The following STAMBPL1 variants were observed in gnomAD, a reference collection of about 807,000 sequenced individuals.
STAMBPL1 encodes STAM binding protein like 1.
Under a neutral mutation model 52.9 loss-of-function variants are expected in STAMBPL1, and 44 were observed. The ratio of observed to expected loss-of-function variants is 0.83; its 90% CI spans 0.65 to 1.07. STAMBPL1 has a LOEUF of 1.07. Ranked by LOEUF, STAMBPL1 falls within the 50% of genes least tolerant of loss-of-function variation. The pLI is 0.00. For synonymous variants in STAMBPL1, 164 were observed against 177.3 expected, an observed-to-expected ratio of 0.92 and a Z score of 0.60; for missense variants, 511 against 520.8, an observed-to-expected ratio of 0.98 and a Z score of 0.18.
At chr10:88,918,884 G>A (rs897192088) in intron 8 of STAMBPL1, among the ~76,000 whole-genome samples, 1 of 152,078 alleles carries the variant, frequency 6.6e-6, no homozygotes, top group African/African-American at 2.4e-5. Context: ...CATAATGCAT[G>A]CAATTATGAA....
intron 2 of STAMBPL1, among the ~76,000 whole-genome samples, chr10:88,902,140 T>C (rs969319255): frequency 6.6e-6 from 1 of 152,186 alleles, no homozygotes; most frequent in Non-Finnish European, 1.5e-5. Context: ...TAGGTACTGC[T>C]TTGGATCCTC....
intron 1 of STAMBPL1, among the ~76,000 whole-genome samples, chr10:88,887,028 CT>C (rs939453516): frequency 5.3e-5 from 8 of 152,076 alleles, no homozygotes; most frequent in African/African-American, 1.2e-4. Flanking sequence ...TTGACTCTGG[CT>C]TTTTTTCCCC....
chr10:88,883,691 A>G (rs1371120031), intron 1 of STAMBPL1, among the ~76,000 whole-genome samples: 1 of 152,210 alleles, frequency 6.6e-6, no homozygotes, highest in Non-Finnish European at 1.5e-5. Flanking sequence ...TTTAAATTAA[A>G]TCTGTGTTAT....
intron 5 of STAMBPL1, chr10:88,912,448 GAGA>G (rs1243120904): frequency 6.6e-6 from 1 of 152,228 alleles, no homozygotes; most frequent in African/African-American, 2.4e-5. Flanking sequence ...AGTGGTGACA[GAGA>G]AGGTTGGAAC....
chr10:88,891,446 G>GA (rs999779074), intron 1 of STAMBPL1, among the ~76,000 whole-genome samples: 3 of 152,024 alleles, frequency 2.0e-5, no homozygotes, highest in African/African-American at 7.2e-5. Context: ...TTGTCTCAGG[G>GA]AAAAAAATCT....
At chr10:88,889,005 A>G (rs971546280) in intron 1 of STAMBPL1, among the ~76,000 whole-genome samples, 7 of 152,238 alleles carry the variant, frequency 4.6e-5, no homozygotes, top group Non-Finnish European at 2.9e-5. Flanking sequence ...TAATGAATAC[A>G]TTTGTATTCA....
intron 1 of STAMBPL1, among the ~76,000 whole-genome samples, chr10:88,885,625 C>T (rs1298369536): frequency 6.6e-6 from 1 of 152,202 alleles, no homozygotes; most frequent in African/African-American, 2.4e-5. Flanking sequence ...TCTCAGGTAT[C>T]TCCCATTGTG....
Position 88,916,680 on chromosome 10 carries a change from A to T in STAMBPL1, c.904A>T (p.Thr302Ser), listed in dbSNP as rs377504895. The change falls in exon 8 of 11, where the codon ACA becomes TCA. Residue 302 changes from threonine (T) to serine (S), a missense_variant and splice_region_variant. This residue lies in a region of STAMBPL1 where 16 missense variants were observed against 37.4 expected (regional missense o/e 0.43). Transcript: ENST00000371926. ...CATTCTTTCTGCTATTGTTTTTTAG[A>T]CACATAATGAATTTACTATTACCCA... ...ETCGILCGKL[T>S]HNEFTITHVI... 115 of 1,588,240 alleles carry T rather than the reference A, an allele frequency of 7.2e-5. No homozygotes were observed. The highest frequency in any genetic ancestry group is 8.6e-5 in the Non-Finnish European group (101 of 1,171,314).
chr10:88,899,802 G>T (rs889306475), intron 1 of STAMBPL1, among the ~76,000 whole-genome samples: 1 of 152,228 alleles, frequency 6.6e-6, no homozygotes, highest in African/African-American at 2.4e-5. Flanking sequence ...GAATCACTGT[G>T]TCTGGCCAAT....
At chr10:88,888,987 A>G (rs1483582056) in intron 1 of STAMBPL1, among the ~76,000 whole-genome samples, 2 of 152,236 alleles carry the variant, frequency 1.3e-5, no homozygotes, top group African/African-American at 4.8e-5. Context: ...AAAAAATTCC[A>G]GTATACTTAA....
Position 88,922,417 on chromosome 10 carries a change from A to G in STAMBPL1, c.1235A>G (p.Lys412Arg). The change falls in exon 10 of 11, where the codon AAG becomes AGG. Residue 412 changes from lysine (K) to arginine (R), a missense_variant. Physicochemically the swap from Lys to Arg is conservative, Grantham distance 26. Around this residue, in one of 3 missense-constraint regions of STAMBPL1, gnomAD observed 137 missense variants for 139.9 expected, o/e 0.98. Transcript: ENST00000371926. The part of the protein sequence containing the change: ...CKKKGFHPHT[K>R]EPRLFSICKH... ...AAAAAGGGCTTTCATCCACACACCA[A>G]GGAGCCCAGGCTGTTCAGTGTGAGT... is the stretch of plus-strand genomic sequence containing the variant. 7 of 1,613,478 alleles carry G rather than the reference A, an allele frequency of 4.3e-6. No individual in the cohort carries two copies. The highest frequency in any genetic ancestry group is 5.9e-6 in the Non-Finnish European group (7 of 1,179,678).
chr10:88,882,244 T>TA (rs1313340012), intron 1 of STAMBPL1: 1 of 152,260 alleles, frequency 6.6e-6, no homozygotes, highest in Non-Finnish European at 1.5e-5. Context: ...ATAGGATTCT[T>TA]ACGGTTTGTG....
chr10:88,908,147 G>A (rs1845121517), intron 3 of STAMBPL1, among the ~76,000 whole-genome samples: 1 of 152,176 alleles, frequency 6.6e-6, no homozygotes, highest in Non-Finnish European at 1.5e-5. Context: ...CACTGCTGCT[G>A]TCTCTTGTTC....
rs990203082 is a variant in STAMBPL1, at chr10:88,914,443, A to G, written c.779-91A>G. 8 of 1,070,558 alleles carry G rather than the reference A, an allele frequency of 7.5e-6. No individual in the cohort carries two copies. In the African/African-American group the frequency reaches 8.2e-5, roughly 11 times the overall value. The allele number at this position is 1,070,558 out of a possible 1,614,324, so 66.3% of individuals were successfully genotyped here. A position where few individuals can be genotyped will look rare whatever the true frequency, so the allele number is the denominator to read the frequency against. ...CCTGATACTTTTATTTTTGAAATTT[A>G]TGTCCAACTGCAACTGTTTGCCAAT... On this transcript the variant is annotated intron_variant, in intron 6 of 10. Coordinates refer to ENST00000371926, the MANE Select transcript of STAMBPL1 (RefSeq NM_020799.4).
chr10:88,885,175 C>T (rs2133115339), intron 1 of STAMBPL1, among the ~76,000 whole-genome samples: 1 of 152,236 alleles, frequency 6.6e-6, no homozygotes, highest in South Asian at 2.1e-4. Context: ...GACTCCAACA[C>T]CTATTTTCCT....
intron 9 of STAMBPL1, 111 bp downstream of exon 9, chr10:88,921,506 C>T (rs1845511707): frequency 3.8e-6 from 3 of 799,318 alleles, no homozygotes; most frequent in Admixed American, 2.1e-5. Context: ...ACACAACGCC[C>T]TCGGGAAAAA....
rs112750614 is a variant in STAMBPL1 at position 88,922,235 on chromosome 10, A to G, written c.1155-102A>G. 9.9e-5 allele frequency: 109 copies of G among 1,100,844 alleles called. No homozygotes were observed. The African/African-American group carries it at 1.2e-3, about 12-fold the overall frequency. 68.2% of individuals were successfully genotyped at this position (1,100,844 alleles called of 1,614,324 possible). The stretch of plus-strand genomic sequence containing the variant: ...GGAATTCCTAGTTTGTGATTTCTCA[A>G]TCCCATCTGAGGAATATGTATGTGT... On this transcript the variant is annotated intron_variant, in intron 9 of 10. Transcript: ENST00000371926.
chr10:88,891,258 T>G (rs766367149), intron 1 of STAMBPL1, among the ~76,000 whole-genome samples: 1 of 152,218 alleles, frequency 6.6e-6, no homozygotes, highest in Non-Finnish European at 1.5e-5. Flanking sequence ...TTTGAAGACC[T>G]TTTAAAGAAT....
intron 8 of STAMBPL1, among the ~76,000 whole-genome samples, chr10:88,919,425 C>T (rs1422992375): frequency 6.6e-6 from 1 of 152,076 alleles, no homozygotes; most frequent in Non-Finnish European, 1.5e-5. Flanking sequence ...GAAAACTGTC[C>T]TAATTGGAAT....
Sources: allele counts gnomAD v4.1 joint callset (sites outside exome capture counted in the v4.1 genomes callset), GRCh38; gene constraint gnomAD v4.1.1; regional missense constraint gnomAD v4.1.1; transcripts MANE v1.5; gene names NCBI Gene and HGNC (gene_info 2026-07-23, HGNC 2026-07-21).